Variants in ANKRD44 observed in about 807,000 individuals in gnomAD.
The protein encoded by ANKRD44 is ankyrin repeat domain 44.
ANKRD44 carries 35 observed loss-of-function variants against 116.0 expected under a neutral mutation model. The observed-to-expected ratio is 0.30, with a 90% CI of 0.23 to 0.40. ANKRD44 has a LOEUF of 0.40. ANKRD44 is among the 10% of genes least tolerant of loss of function. The probability of loss-of-function intolerance (pLI) is 1.00; values close to 1 mark genes in which losing one functional copy is unlikely to be tolerated. For synonymous variants in ANKRD44, 435 were observed against 461.8 expected (o/e 0.94, Z 0.74); for missense variants, 1,014 against 1,242.6 (o/e 0.82, Z 2.77).
At chr2:197,166,670 G>A (rs201639294) in intron 2 of ANKRD44, among the ~76,000 whole-genome samples, 7 of 152,116 alleles carry the variant, frequency 4.6e-5, no homozygotes, top group South Asian at 4.1e-4. Context: ...TGCTCAGAAT[G>A]GGATATCCCC....
chr2:197,144,951 A>G (rs1195721530), intron 3 of ANKRD44, among the ~76,000 whole-genome samples: 1 of 152,240 alleles, frequency 6.6e-6, no homozygotes, highest in Non-Finnish European at 1.5e-5. Context: ...TTGTACATTC[A>G]TGAAACATTC....
In ANKRD44 at chr2:197,154,404, C is replaced by A. The variant is rs6740687; in HGVS notation, c.112-7299G>T. 9.2e-3 allele frequency among the ~76,000 whole-genome samples: 1,402 copies of A among 152,040 alleles called. 13 individuals are homozygous for A. The highest frequency in any genetic ancestry group is 0.031 in the African/African-American group (1,290 of 41,460). On this transcript the variant is annotated intron_variant, in intron 2 of 27. Transcript: ENST00000282272. ...CCATGTTAGCCAGGATGGTCTCGAT[C>A]TCCTGACCTCGTGATCCGCCCGCCT...
At chr2:197,239,646 T>C (rs2082048777) in intron 1 of ANKRD44, among the ~76,000 whole-genome samples, 2 of 152,270 alleles carry the variant, frequency 1.3e-5, no homozygotes. Context: ...TAACCAACTG[T>C]CACTGAGTTC....
intron 8 of ANKRD44, among the ~76,000 whole-genome samples, chr2:197,119,291 C>A (rs113161368): frequency 6.6e-6 from 1 of 151,912 alleles, no homozygotes; most frequent in Non-Finnish European, 1.5e-5. Context: ...TAGAATGATT[C>A]GTGGCCTGCA....
chr2:197,003,105 A>C (rs1417597679), intron 21 of ANKRD44, among the ~76,000 whole-genome samples: 1 of 151,860 alleles, frequency 6.6e-6, no homozygotes, highest in African/African-American at 2.4e-5. Context: ...TCAGGAGTTC[A>C]AGACCAGCCT....
intron 16 of ANKRD44, among the ~76,000 whole-genome samples, chr2:197,037,705 A>G (rs1163285033): frequency 1.3e-5 from 2 of 152,242 alleles, no homozygotes; most frequent in Non-Finnish European, 2.9e-5. Flanking sequence ...TGAGAGGCCA[A>G]CGTGGGAGGA....
At position 197,019,802 on chromosome 2, in the gene ANKRD44, CT is replaced by C. The variant is rs1338276226; in HGVS notation, c.1722+5393del. ...ATAGGCGATTTCTTTTTTTTTCTTT[CT>C]TTTTTTTTTTTGAGCTGGAGTCTCA... is the stretch of plus-strand genomic sequence containing the variant. On this transcript the variant is annotated intron_variant, in intron 17 of 27. Coordinates refer to ENST00000282272, the MANE Select transcript of ANKRD44 (RefSeq NM_001195144.2). 4.7e-3 allele frequency among the ~76,000 whole-genome samples: 668 copies of C among 143,404 alleles called. 3 individuals are homozygous for C. Among genetic ancestry groups the C allele is most frequent in the East Asian group, 0.013 (66 of 4,972 alleles). The allele number at this position is 143,404 out of a possible 152,430, so 94.1% of individuals were successfully genotyped here.
intron 16 of ANKRD44, among the ~76,000 whole-genome samples, chr2:197,038,597 T>A (rs548876634): frequency 5.3e-5 from 8 of 152,324 alleles, no homozygotes; most frequent in African/African-American, 1.9e-4. Flanking sequence ...TTATATTTAA[T>A]TGATGGACCA....
intron 10 of ANKRD44, among the ~76,000 whole-genome samples, chr2:197,094,186 T>C (rs2078108834): frequency 6.6e-6 from 1 of 152,200 alleles, no homozygotes; most frequent in Non-Finnish European, 1.5e-5. Context: ...GCCTTCTCTT[T>C]AGGCCATGTG....
intron 20 of ANKRD44, 119 bp downstream of exon 20, chr2:197,007,687 T>A (rs1027163532): frequency 2.8e-5 from 20 of 713,554 alleles, no homozygotes; most frequent in Non-Finnish European, 3.6e-5. Context: ...GAAACAATTT[T>A]TGCTAAACAT....
At position 196,989,134 on chromosome 2, in the gene ANKRD44, T is replaced by C. The variant is rs2075874770; in HGVS notation, c.*457A>G. The C allele has an allele frequency of 2.0e-6, 2 of 985,260 alleles. No individual in the cohort carries two copies. Among genetic ancestry groups the C allele is most frequent in the Non-Finnish European group, 2.4e-6 (2 of 829,922 alleles). 61.0% of individuals were successfully genotyped at this position (985,260 alleles called of 1,614,324 possible). A position where few individuals can be genotyped will look rare whatever the true frequency, so the allele number is the denominator to read the frequency against. On this transcript the variant is annotated 3_prime_UTR_variant, in exon 28 of 28. Coordinates refer to ENST00000282272, the MANE Select transcript of ANKRD44 (RefSeq NM_001195144.2). ...AGCCCAGGGTCAAGTGTTTTTTTTT[T>C]CACTTTTTTTTTGTTATTCTAAATA...
In ANKRD44 at chr2:197,086,665, T is replaced by G. The variant is rs1406223449; in HGVS notation, c.1316+15A>C. 4 of 1,613,162 alleles carry G rather than the reference T, an allele frequency of 2.5e-6. No individual in the cohort carries two copies. The highest frequency in any genetic ancestry group is 1.7e-4 in the Middle Eastern group (1 of 6,060). ...CTTATTTAAGCACTTGAAGCACAAC[T>G]CTCTGATTACATACCTCCCACACTT... On this transcript the variant is annotated intron_variant, in intron 13 of 27. Coordinates refer to ENST00000282272, the MANE Select transcript of ANKRD44 (RefSeq NM_001195144.2).
chr2:197,076,753 G>A (rs1411967815), intron 16 of ANKRD44, among the ~76,000 whole-genome samples: 2 of 151,384 alleles, frequency 1.3e-5, no homozygotes, highest in Non-Finnish European at 3.0e-5. Flanking sequence ...AGAACATGCA[G>A]TATTTGGTTT....
intron 3 of ANKRD44, among the ~76,000 whole-genome samples, chr2:197,141,165 C>T (rs1312136624): frequency 1.3e-5 from 2 of 151,996 alleles, no homozygotes; most frequent in South Asian, 2.1e-4. Context: ...TGCAGTGAGC[C>T]GAGATCATGC....
chr2:197,179,527 T>C (rs1049622309), intron 2 of ANKRD44, among the ~76,000 whole-genome samples: 3 of 152,248 alleles, frequency 2.0e-5, no homozygotes, highest in Non-Finnish European at 4.4e-5. Context: ...ACAAAGTACA[T>C]TTTTAATTCT....
At chr2:197,030,301 G>A (rs1055094941) in intron 16 of ANKRD44, among the ~76,000 whole-genome samples, 2 of 152,224 alleles carry the variant, frequency 1.3e-5, no homozygotes, top group Non-Finnish European at 2.9e-5. Flanking sequence ...TGAGAACAGT[G>A]CCTTTAGAAG....
chr2:197,131,427 G>A (rs1409790740), intron 4 of ANKRD44, among the ~76,000 whole-genome samples: 7 of 151,988 alleles, frequency 4.6e-5, no homozygotes, highest in Non-Finnish European at 1.0e-4. Context: ...TCCTGACCTC[G>A]TGATCCGCCC....
intron 1 of ANKRD44, among the ~76,000 whole-genome samples, chr2:197,187,342 T>A (rs2080703430): frequency 6.6e-6 from 1 of 152,146 alleles, no homozygotes; most frequent in Admixed American, 6.5e-5. Flanking sequence ...TAACCTGAAC[T>A]ATGAACTACA....
chr2:197,097,171 G>A (rs1008910399), intron 10 of ANKRD44, among the ~76,000 whole-genome samples: 2 of 152,054 alleles, frequency 1.3e-5, no homozygotes, highest in East Asian at 3.8e-4. Context: ...TGAATTAAAT[G>A]GTTTTTAGGG....
Sources: gnomAD v4.1 joint callset for allele counts (sites outside exome capture counted in the v4.1 genomes callset) on GRCh38, gnomAD v4.1.1 for gene constraint, MANE v1.5 for transcripts, NCBI Gene and HGNC (gene_info 2026-07-23, HGNC 2026-07-21) for gene names.